Variants in SEC23A observed in about 807,000 individuals in gnomAD.
SEC23A encodes the protein SEC23 homolog A, COPII component.
A neutral mutation model predicts 103.7 loss-of-function variants in SEC23A; 56 were observed. The ratio of observed to expected loss-of-function variants is 0.54; its 90% CI spans 0.44 to 0.67. SEC23A has a LOEUF of 0.67. Among genes scored for constraint, SEC23A ranks in the 30% least tolerant of loss-of-function variants. SEC23A has a pLI of 0.00. For missense variants in SEC23A, 784 were observed against 936.4 expected (o/e 0.84, Z 2.12); for synonymous variants, 281 against 293.0 (o/e 0.96, Z 0.42).
chr14:39,075,629 C>T (rs906939813), intron 8 of SEC23A, among the ~76,000 whole-genome samples: 1 of 152,022 alleles, frequency 6.6e-6, no homozygotes, highest in Non-Finnish European at 1.5e-5. Flanking sequence ...AATGTAAAAA[C>T]AACTTTTCCT....
At chr14:39,077,636 T>C (rs531195133) in intron 7 of SEC23A, among the ~76,000 whole-genome samples, 22 of 152,254 alleles carry the variant, frequency 1.4e-4, no homozygotes, top group African/African-American at 5.1e-4. Context: ...AGTTAATGGA[T>C]TGAATACCCC....
In SEC23A at chr14:39,055,307, T is replaced by C. The variant is rs1375816670; in HGVS notation, c.1506-11A>G. The C allele has an allele frequency of 1.2e-6, 2 of 1,613,616 alleles. No individual in the cohort carries two copies. The highest frequency in any genetic ancestry group is 2.2e-5 in the East Asian group (1 of 44,876). ...TGAGCATCTGCCCAGCTGAAGACAA[T>C]AAGAAAGCATAGAAATGCTTCTGAA... On this transcript the variant is annotated splice_polypyrimidine_tract_variant and intron_variant, in intron 13 of 19. Coordinates refer to ENST00000307712, the MANE Select transcript of SEC23A (RefSeq NM_006364.4).
rs142462834 is a variant in SEC23A at position 39,073,751 on chromosome 14, A to G, written c.1103+664T>C. 7.0e-3 allele frequency among the ~76,000 whole-genome samples: 1,053 copies of G among 150,672 alleles called. 15 individuals carry two copies. Among genetic ancestry groups the G allele is most frequent in the African/African-American group, 0.025 (1,018 of 40,938 alleles). On this transcript the variant is annotated intron_variant, in intron 9 of 19. Transcript: ENST00000307712. ...CAGCCTACCGAGTAGCTGGGATTAC[A>G]GGTGCCTGCCACCACGCCCACCTAA... is the stretch of plus-strand genomic sequence containing the variant.
At chr14:39,044,126 A>G (rs997733036) in intron 16 of SEC23A, among the ~76,000 whole-genome samples, 1 of 152,172 alleles carries the variant, frequency 6.6e-6, no homozygotes, top group Non-Finnish European at 1.5e-5. Context: ...CAGAAAGAAG[A>G]TAACTCCAAA....
chr14:39,064,158 A>G (rs1886577741), intron 11 of SEC23A, among the ~76,000 whole-genome samples: 1 of 152,066 alleles, frequency 6.6e-6, no homozygotes. Context: ...ATTGTTAAGC[A>G]CTCTGATTCC....
intron 2 of SEC23A, among the ~76,000 whole-genome samples, chr14:39,094,711 A>G (rs1039361310): frequency 4.6e-5 from 7 of 152,156 alleles, no homozygotes; most frequent in Non-Finnish European, 8.8e-5. Flanking sequence ...ATACGAAAAT[A>G]TGGAGACAGA....
chr14:39,053,868 T>C (rs1048947189), intron 14 of SEC23A, among the ~76,000 whole-genome samples: 1 of 152,196 alleles, frequency 6.6e-6, no homozygotes, highest in African/African-American at 2.4e-5. Context: ...TGGTGGCTCA[T>C]GCTTGTAAAA....
chr14:39,055,368 CAAATTT>C lies in SEC23A; in HGVS notation c.1506-78_1506-73del, dbSNP rs530239436. 390 of 1,402,468 alleles carry C rather than the reference CAAATTT, an allele frequency of 2.8e-4. 1 individual carries two copies. The African/African-American group carries it at 4.6e-3, about 16-fold the overall frequency. The allele number at this position is 1,402,468 out of a possible 1,614,324, so 86.9% of individuals were successfully genotyped here. On this transcript the variant is annotated intron_variant, in intron 13 of 19. Transcript: ENST00000307712. ...CACAATATCATAGTTGGCTACCACA[CAAATTT>C]AAATTTAAAAGATAAAAGATACAGA...
Position 39,085,689 on chromosome 14 carries a change from T to TATATACACAC in SEC23A, c.828+72_828+73insGTGTGTATAT, listed in dbSNP as rs573160536. 71 of 1,196,468 alleles carry TATATACACAC rather than the reference T, an allele frequency of 5.9e-5. No homozygotes were observed. In the East Asian group the frequency reaches 8.4e-4, roughly 14 times the overall value. The allele number at this position is 1,196,468 out of a possible 1,614,324, so 74.1% of individuals were successfully genotyped here. A position where few individuals can be genotyped will look rare whatever the true frequency, so the allele number is the denominator to read the frequency against. ...TTCTTCTTATCCTTATAATTATATA[T>TATATACACAC]ACACACACACACACACACACACACA... On this transcript the variant is annotated intron_variant, in intron 7 of 19. Transcript: ENST00000307712.
Position 39,062,117 on chromosome 14 carries a change from T to C in SEC23A, c.1399-246A>G, listed in dbSNP as rs17678780. Among the ~76,000 whole-genome samples, 20,068 of 152,080 alleles carry C rather than the reference T, an allele frequency of 0.13. 1,385 individuals carry two copies. The highest frequency in any genetic ancestry group is 0.18 in the Middle Eastern group (52 of 294). ...CTAGGAAATCAATTTTCAAGTAATA[T>C]ATAAGCCAGAGGGACATGAAAGAAC... On this transcript the variant is annotated intron_variant, in intron 12 of 19. Transcript: ENST00000307712.
At chr14:39,039,735 T>C (rs1006851845) in intron 18 of SEC23A, 1 of 152,498 alleles carries the variant, frequency 6.6e-6, no homozygotes, top group African/African-American at 2.4e-5. Flanking sequence ...AAGGAATCAG[T>C]TTAACCTAAC....
intron 4 of SEC23A, 88 bp from the exon 5 acceptor site, chr14:39,091,801 T>C (rs1366002874): frequency 6.8e-6 from 6 of 879,542 alleles, no homozygotes; most frequent in African/African-American, 6.7e-5. Context: ...AAATAACGAA[T>C]ACAAAAGAAT....
At chr14:39,039,361 T>C (rs1885562323) in intron 18 of SEC23A, 1 of 396,238 alleles carries the variant, frequency 2.5e-6, no homozygotes, top group Non-Finnish European at 4.4e-6. Flanking sequence ...ATAAAAATTA[T>C]GTGTGCAACA....
intron 11 of SEC23A, 101 bp from the exon 12 acceptor site, chr14:39,063,514 A>G (rs1886549371): frequency 1.4e-6 from 1 of 733,108 alleles, no homozygotes; most frequent in South Asian, 1.7e-5. Context: ...AAAAAAAGTC[A>G]TGTTTCAAAC....
intron 2 of SEC23A, among the ~76,000 whole-genome samples, chr14:39,095,588 C>T (rs181155667): frequency 6.6e-4 from 100 of 152,190 alleles, no homozygotes; most frequent in African/African-American, 1.9e-3. Context: ...TGAGCCACCA[C>T]GCCCGGCCAA....
chr14:39,078,059 G>A (rs993034724), intron 7 of SEC23A, among the ~76,000 whole-genome samples: 2 of 152,018 alleles, frequency 1.3e-5, no homozygotes, highest in African/African-American at 4.8e-5. Context: ...AGATCAGCCT[G>A]GGCAACAAAG....
chr14:39,041,071 A>G lies in SEC23A; in HGVS notation c.1987-184T>C. 8.4e-6 allele frequency: 5 copies of G among 595,784 alleles called. No individual in the cohort carries two copies. The South Asian group carries it at 9.0e-5, about 11-fold the overall frequency. The allele number at this position is 595,784 out of a possible 1,614,324, so 36.9% of individuals were successfully genotyped here. A position where few individuals can be genotyped will look rare whatever the true frequency, so the allele number is the denominator to read the frequency against. ...TATTCTTAATAAATATAAAATTAGAATATTTCTTCTCCTTTAAAAGTAAAA... is the reference window on the plus strand; with the variant it reads ...TATTCTTAATAAATATAAAATTAGAGTATTTCTTCTCCTTTAAAAGTAAAA... On this transcript the variant is annotated intron_variant, in intron 17 of 19. Transcript: ENST00000307712.
intron 14 of SEC23A, among the ~76,000 whole-genome samples, chr14:39,051,933 C>G (rs1174696883): frequency 6.6e-6 from 1 of 150,852 alleles, no homozygotes; most frequent in Non-Finnish European, 1.5e-5. Flanking sequence ...TGCCACTGCA[C>G]TCCAGCCTGG....
rs942847545 is a variant in SEC23A, at chr14:39,032,244, T to C, written c.*995A>G. The stretch of plus-strand genomic sequence containing the variant: ...GTGAATACTAATGAATAAATCAAAA[T>C]AGAACTGAGCATCACATGATATAAT... On this transcript the variant is annotated 3_prime_UTR_variant, in exon 20 of 20. Transcript: ENST00000307712. 3 of 152,574 alleles carry C rather than the reference T, an allele frequency of 2.0e-5. No individual in the cohort carries two copies. The highest frequency in any genetic ancestry group is 7.2e-5 in the African/African-American group (3 of 41,448). 9.5% of individuals were successfully genotyped at this position (152,574 alleles called of 1,614,324 possible).
Sources: allele counts gnomAD v4.1 joint callset (sites outside exome capture counted in the v4.1 genomes callset), GRCh38; gene constraint gnomAD v4.1.1; transcripts MANE v1.5; gene names NCBI Gene and HGNC (gene_info 2026-07-23, HGNC 2026-07-21).